ZCRB1: variants seen among roughly 807,000 people sequenced by gnomAD.
The protein encoded by ZCRB1 is zinc finger CCHC-type and RNA binding motif containing 1, also known as zinc finger CCHC-type and RNA-binding motif-containing protein 1.
ZCRB1 carries 21 observed loss-of-function variants against 29.9 expected under a neutral mutation model. The ratio of observed to expected loss-of-function variants is 0.70; its 90% CI spans 0.50 to 1.01. The LOEUF is 1.01. Among genes scored for constraint, ZCRB1 ranks in the 50% least tolerant of loss-of-function variants. ZCRB1 has a pLI of 0.00. For synonymous variants in ZCRB1, 77 were observed against 80.0 expected (o/e 0.96, Z 0.20); for missense variants, 204 against 253.3 (o/e 0.81, Z 1.32).
chr12:42,322,353 AAAATGTAGAAGC>A, intron 3 of ZCRB1, 53 bp downstream of exon 3: 2 of 1,379,224 alleles, frequency 1.5e-6, no homozygotes, highest in Non-Finnish European at 1.9e-6. Flanking sequence ...TGTCATTAAA[AAAATGTAGAAGC>A]AAATTCAGAT....
chr12:42,319,586 C>T (rs989704975), intron 3 of ZCRB1, among the ~76,000 whole-genome samples: 9 of 152,280 alleles, frequency 5.9e-5, no homozygotes, highest in African/African-American at 2.2e-4. Context: ...TGAATCACTG[C>T]TCATTAAAAT....
chr12:42,318,343 T>G (rs2068604989), intron 3 of ZCRB1, among the ~76,000 whole-genome samples: 1 of 152,146 alleles, frequency 6.6e-6, no homozygotes, highest in African/African-American at 2.4e-5. Flanking sequence ...AAAAAAACCC[T>G]CCAGAGCTGG....
rs915931809 is a variant in ZCRB1, at chr12:42,317,411, C to T, written c.262G>A (p.Asp88Asn). The change falls in exon 5 of 8, where the codon GAC becomes AAC. Residue 88 changes from aspartate to asparagine, a missense_variant. By Grantham distance (23) the Asp-to-Asn change is conservative (BLOSUM62 1). Coordinates refer to ENST00000266529, the MANE Select transcript of ZCRB1 (RefSeq NM_033114.4). ...GRVIKASIAI[D>N]NGRAAEFIRR... Reference sequence around the variant, plus strand: ...ATGAACTCAGCTGCTCTTCCATTGTCAATAGCAATGCTTGCTTTTATCACT... The same window carrying T: ...ATGAACTCAGCTGCTCTTCCATTGTTAATAGCAATGCTTGCTTTTATCACT... 1.9e-6 allele frequency: 3 copies of T among 1,612,452 alleles called. No individual in the cohort carries two copies. Among genetic ancestry groups the T allele is most frequent in the Non-Finnish European group, 2.5e-6 (3 of 1,179,500 alleles).
chr12:42,313,433 G>C (rs2068578929), intron 7 of ZCRB1, among the ~76,000 whole-genome samples: 1 of 152,080 alleles, frequency 6.6e-6, no homozygotes, highest in Non-Finnish European at 1.5e-5. Context: ...TATTCACTTT[G>C]AGCAAATAGT....
At chr12:42,313,548 C>T (rs1287433888) in intron 7 of ZCRB1, 142 bp downstream of exon 7, 1 of 873,750 alleles carries the variant, frequency 1.1e-6, no homozygotes, top group Non-Finnish European at 1.7e-6. Context: ...TGGCTAAGTA[C>T]CTCAGAGAAA....
intron 2 of ZCRB1, 96 bp downstream of exon 2, chr12:42,323,923 A>T (rs75897318): frequency 2.7e-6 from 1 of 369,764 alleles, no homozygotes; most frequent in Non-Finnish European, 4.2e-6. Context: ...TCAAAAAAAG[A>T]AAAAAAAAAA....
At chr12:42,324,577 C>T (rs1458640812) in intron 1 of ZCRB1, among the ~76,000 whole-genome samples, 1 of 152,258 alleles carries the variant, frequency 6.6e-6, no homozygotes, top group Non-Finnish European at 1.5e-5. Context: ...CAGATGTGTA[C>T]ACCTTCCTTA....
chr12:42,313,256 T>C (rs1045124793), intron 7 of ZCRB1, 58 bp from the exon 8 acceptor site: 44 of 1,543,900 alleles, frequency 2.8e-5, no homozygotes, highest in Non-Finnish European at 3.3e-5. Context: ...TTATGGTTCA[T>C]TAATTCAAAA....
intron 3 of ZCRB1, among the ~76,000 whole-genome samples, chr12:42,319,549 C>T (rs2068611185): frequency 6.6e-6 from 1 of 152,194 alleles, no homozygotes; most frequent in African/African-American, 2.4e-5. Context: ...TGCCTTTGTT[C>T]ATACAGCTTC....
intron 5 of ZCRB1, among the ~76,000 whole-genome samples, chr12:42,314,512 G>GT (rs1442645787): frequency 1.3e-5 from 2 of 151,090 alleles, no homozygotes; most frequent in African/African-American, 4.9e-5. Context: ...AACCCAGGAG[G>GT]TGGAGGTTGC....
At chr12:42,313,590 G>C (rs915088017) in intron 7 of ZCRB1, 100 bp downstream of exon 7, 1 of 1,275,630 alleles carries the variant, frequency 7.8e-7, no homozygotes, top group Non-Finnish European at 1.1e-6. Flanking sequence ...GGAGGTTAGG[G>C]GGAAAAAGAG....
At chr12:42,319,789 T>C (rs1416421508) in intron 3 of ZCRB1, among the ~76,000 whole-genome samples, 2 of 152,212 alleles carry the variant, frequency 1.3e-5, no homozygotes, top group Non-Finnish European at 2.9e-5. Context: ...AATATGTTGA[T>C]TGATAGATAT....
At chr12:42,320,979 T>C (rs980825633) in intron 3 of ZCRB1, among the ~76,000 whole-genome samples, 2 of 152,188 alleles carry the variant, frequency 1.3e-5, no homozygotes, top group Non-Finnish European at 2.9e-5. Flanking sequence ...TCCAGTCACA[T>C]TGGCCTTCTT....
chr12:42,315,505 T>C (rs1055224213), intron 5 of ZCRB1, among the ~76,000 whole-genome samples: 2 of 151,988 alleles, frequency 1.3e-5, no homozygotes, highest in Non-Finnish European at 2.9e-5. Flanking sequence ...TTTGGAATAA[T>C]ATTATAGCAA....
chr12:42,312,984 A>T lies in ZCRB1; in HGVS notation c.*83T>A. ...TAATAGTATTAACATGATAGTATTA[A>T]TTTTTCTTATTTTTATTAAAATTAG... On this transcript the variant is annotated 3_prime_UTR_variant, in exon 8 of 8. Coordinates refer to ENST00000266529, the MANE Select transcript of ZCRB1 (RefSeq NM_033114.4). The T allele has an allele frequency of 7.6e-7, 1 of 1,311,690 alleles. No individual in the cohort carries two copies. Among genetic ancestry groups the T allele is most frequent in the South Asian group, 2.1e-5 (1 of 48,252 alleles). The allele number at this position is 1,311,690 out of a possible 1,614,324, so 81.3% of individuals were successfully genotyped here.
chr12:42,322,723 T>C (rs2068627996), intron 2 of ZCRB1, among the ~76,000 whole-genome samples: 1 of 152,200 alleles, frequency 6.6e-6, no homozygotes, highest in Admixed American at 6.5e-5. Flanking sequence ...AAGGCATACA[T>C]ACTGGACAGC....
chr12:42,325,202 A>G (rs2068683303), intron 1 of ZCRB1, among the ~76,000 whole-genome samples: 1 of 152,214 alleles, frequency 6.6e-6, no homozygotes, highest in African/African-American at 2.4e-5. Flanking sequence ...TTGTTAATCA[A>G]AAAGTTGTTA....
intron 3 of ZCRB1, 44 bp downstream of exon 3, chr12:42,322,374 A>T: frequency 7.0e-7 from 1 of 1,429,344 alleles, no homozygotes; most frequent in Non-Finnish European, 9.3e-7. Flanking sequence ...GCAAATTCAG[A>T]TAAACTTTTA....
At chr12:42,317,997 G>T in intron 3 of ZCRB1, 99 bp from the exon 4 acceptor site, 3 of 887,738 alleles carry the variant, frequency 3.4e-6, no homozygotes, top group Non-Finnish European at 5.1e-6. Context: ...AAATTTATAA[G>T]ATAAATTAAT....
Sources: allele counts gnomAD v4.1 joint callset (sites outside exome capture counted in the v4.1 genomes callset), GRCh38; gene constraint gnomAD v4.1.1; transcripts MANE v1.5; gene names NCBI Gene and HGNC (gene_info 2026-07-23, HGNC 2026-07-21).